The following EXOC4 variants were observed in gnomAD, a reference collection of about 807,000 sequenced individuals.
EXOC4 encodes the protein SEC8-like 1.
Under a neutral mutation model 107.2 loss-of-function variants are expected in EXOC4, and 71 were observed. That is an observed-to-expected ratio of 0.66 (90% CI 0.55 to 0.81). EXOC4 has a LOEUF of 0.81. Among genes scored for constraint, EXOC4 ranks in the 30% least tolerant of loss-of-function variants. The pLI is 0.00. For missense variants in EXOC4, 1,108 were observed against 1,189.6 expected, an observed-to-expected ratio of 0.93 and a Z score of 1.01; for synonymous variants, 456 against 441.2, an observed-to-expected ratio of 1.03 and a Z score of -0.42.
intron 12 of EXOC4, among the ~76,000 whole-genome samples, chr7:133,911,179 G>T (rs1447402000): frequency 6.6e-6 from 1 of 152,156 alleles, no homozygotes; most frequent in Non-Finnish European, 1.5e-5. Flanking sequence ...GTGAATTAAT[G>T]AGTACATTAT....
intron 13 of EXOC4, among the ~76,000 whole-genome samples, chr7:133,936,657 T>C (rs1053421445): frequency 1.3e-5 from 2 of 152,086 alleles, no homozygotes; most frequent in Non-Finnish European, 2.9e-5. Context: ...TTTTGTTTTG[T>C]TTTTGTTTTG....
chr7:133,922,050 T>C (rs1045681084), intron 13 of EXOC4, among the ~76,000 whole-genome samples: 20 of 151,932 alleles, frequency 1.3e-4, no homozygotes, highest in Non-Finnish European at 2.8e-4. Context: ...TGTTTTTTAT[T>C]TCTAACATTT....
intron 9 of EXOC4, among the ~76,000 whole-genome samples, chr7:133,521,870 C>G (rs919539139): frequency 6.6e-6 from 1 of 151,476 alleles, no homozygotes; most frequent in Non-Finnish European, 1.5e-5. Flanking sequence ...CCGCCTGCCT[C>G]GGTCTCCCAA....
intron 1 of EXOC4, among the ~76,000 whole-genome samples, chr7:133,265,306 C>G (rs1793700215): frequency 6.6e-6 from 1 of 151,966 alleles, no homozygotes; most frequent in South Asian, 2.1e-4. Context: ...AACCCCTTCT[C>G]TATCTAGTAC....
At chr7:133,728,582 C>T (rs1795263296) in intron 10 of EXOC4, among the ~76,000 whole-genome samples, 1 of 152,186 alleles carries the variant, frequency 6.6e-6, no homozygotes, top group South Asian at 2.1e-4. Flanking sequence ...TTAGTGTAAA[C>T]TTCCCTTACT....
At chr7:133,563,600 C>T (rs1411915965) in intron 9 of EXOC4, among the ~76,000 whole-genome samples, 5 of 152,204 alleles carry the variant, frequency 3.3e-5, no homozygotes, top group African/African-American at 1.2e-4. Context: ...TTAATCTACA[C>T]CAGCTGTAGC....
At chr7:133,718,665 A>G (rs1795045423) in intron 10 of EXOC4, among the ~76,000 whole-genome samples, 1 of 152,166 alleles carries the variant, frequency 6.6e-6, no homozygotes, top group Non-Finnish European at 1.5e-5. Context: ...AGGCCTTAGT[A>G]TTGTAAAATA....
intron 7 of EXOC4, among the ~76,000 whole-genome samples, chr7:133,448,354 G>A (rs1798265333): frequency 6.6e-6 from 1 of 151,842 alleles, no homozygotes; most frequent in Non-Finnish European, 1.5e-5. Context: ...CTGGAATACA[G>A]TGGTGCGATC....
intron 7 of EXOC4, among the ~76,000 whole-genome samples, chr7:133,392,077 G>T (rs2150717823): frequency 6.6e-6 from 1 of 152,362 alleles, no homozygotes; most frequent in Admixed American, 6.5e-5. Flanking sequence ...CATTTCTGCA[G>T]TGAGAACTAT....
chr7:134,014,661 G>C (rs944637893), intron 17 of EXOC4, among the ~76,000 whole-genome samples: 2 of 152,070 alleles, frequency 1.3e-5, no homozygotes, highest in African/African-American at 2.4e-5. Flanking sequence ...GGAGTCTTTG[G>C]GGGGTGATGA....
chr7:133,280,330 G>A (rs573097489), intron 2 of EXOC4, among the ~76,000 whole-genome samples: 17 of 152,282 alleles, frequency 1.1e-4, no homozygotes, highest in African/African-American at 3.4e-4. Flanking sequence ...TTCTGCCAGT[G>A]TCTCTCATAA....
At chr7:133,357,281 C>A (rs1796044257) in intron 6 of EXOC4, among the ~76,000 whole-genome samples, 1 of 152,140 alleles carries the variant, frequency 6.6e-6, no homozygotes, top group African/African-American at 2.4e-5. Context: ...TTATTAGTAT[C>A]CACATATTGC....
intron 5 of EXOC4, among the ~76,000 whole-genome samples, chr7:133,348,350 T>C (rs1795833034): frequency 6.6e-6 from 1 of 152,214 alleles, no homozygotes; most frequent in Non-Finnish European, 1.5e-5. Context: ...GGCTGTGTCA[T>C]TTTATTATTC....
rs555568158 is a variant in EXOC4 at position 133,445,457 on chromosome 7, T to C, written c.1183-29871T>C. The stretch of plus-strand genomic sequence containing the variant: ...CACAACTCAAAATTGTTAGGACCAA[T>C]CTTAGAATCCAAGGCTTTGATTCAT... On this transcript the variant is annotated intron_variant, in intron 7 of 17. Coordinates refer to ENST00000253861, the MANE Select transcript of EXOC4 (RefSeq NM_021807.4). 3.9e-5 allele frequency among the ~76,000 whole-genome samples: 6 copies of C among 152,282 alleles called. No individual in the cohort carries two copies. In the South Asian group the frequency reaches 1.2e-3, roughly 32 times the overall value.
At chr7:134,051,412 C>T (rs528023505) in intron 17 of EXOC4, among the ~76,000 whole-genome samples, 1 of 152,294 alleles carries the variant, frequency 6.6e-6, no homozygotes, top group Non-Finnish European at 1.5e-5. Context: ...GTGGCTCATG[C>T]CTGTAATCCT....
intron 5 of EXOC4, among the ~76,000 whole-genome samples, chr7:133,348,249 A>G (rs919885788): frequency 2.8e-4 from 43 of 152,332 alleles, no homozygotes; most frequent in African/African-American, 9.6e-4. Context: ...GATAATATAA[A>G]TTAATTAATA....
Position 133,306,153 on chromosome 7 carries a change from T to C in EXOC4, c.656+92T>C, listed in dbSNP as rs544487739. ...CCCAGAATGTTGTTGTAATTTATTT[T>C]ACTTTTCCTTTAATGGACTGTCTCT... On this transcript the variant is annotated intron_variant, in intron 4 of 17. Transcript: ENST00000253861. 56 of 1,126,250 alleles carry C rather than the reference T, an allele frequency of 5.0e-5. 1 individual carries two copies. In the South Asian group the frequency reaches 8.2e-4, roughly 16 times the overall value. 69.8% of individuals were successfully genotyped at this position (1,126,250 alleles called of 1,614,324 possible).
intron 1 of EXOC4, among the ~76,000 whole-genome samples, chr7:133,263,283 A>G (rs1793620816): frequency 6.6e-6 from 1 of 152,138 alleles, no homozygotes; most frequent in Non-Finnish European, 1.5e-5. Flanking sequence ...ATTTTGCATT[A>G]ATTAAAAGAG....
intron 3 of EXOC4, among the ~76,000 whole-genome samples, chr7:133,294,773 A>C (rs1399297267): frequency 1.3e-5 from 2 of 152,108 alleles, no homozygotes; most frequent in Non-Finnish European, 2.9e-5. Flanking sequence ...ATCTTATGTA[A>C]TAAAATAAAT....
Sources: gnomAD v4.1 joint callset for allele counts (sites outside exome capture counted in the v4.1 genomes callset) on GRCh38, gnomAD v4.1.1 for gene constraint, MANE v1.5 for transcripts, NCBI Gene and HGNC (gene_info 2026-07-23, HGNC 2026-07-21) for gene names.